The following CCNY variants were observed in gnomAD, a reference collection of about 807,000 sequenced individuals.
CCNY encodes cyclin Y.
CCNY carries 19 observed loss-of-function variants against 42.8 expected under a neutral mutation model. The observed-to-expected ratio is 0.44, with a 90% confidence interval of 0.31 to 0.65. The LOEUF (loss-of-function observed/expected upper bound fraction) is 0.65, where lower values mean the gene tolerates loss of function less well. CCNY is among the 30% of genes least tolerant of loss of function. CCNY has a pLI of 0.07. For synonymous variants in CCNY, 165 were observed against 162.7 expected, an observed-to-expected ratio of 1.01 and a Z score of -0.11; for missense variants, 370 against 437.3, an observed-to-expected ratio of 0.85 and a Z score of 1.37.
At chr10:35,417,300 G>A (rs1838046482) in intron 1 of CCNY, among the ~76,000 whole-genome samples, 1 of 152,216 alleles carries the variant, frequency 6.6e-6, no homozygotes, top group African/African-American at 2.4e-5. Context: ...AAGAGGACAA[G>A]CCGATCCCAT....
intron 7 of CCNY, among the ~76,000 whole-genome samples, chr10:35,548,075 A>G (rs148653290): frequency 2.0e-4 from 30 of 152,256 alleles, no homozygotes; most frequent in Admixed American, 2.0e-3. Context: ...AACCCTGCAC[A>G]GTTGAAAATC....
chr10:35,383,127 C>T (rs955890940), intron 1 of CCNY, among the ~76,000 whole-genome samples: 5 of 152,128 alleles, frequency 3.3e-5, no homozygotes, highest in Admixed American at 2.0e-4. Context: ...TCTACAGCTC[C>T]GATGGGGAGA....
chr10:35,273,722 G>C (rs560066958), intron 3 of CCNY, among the ~76,000 whole-genome samples: 3 of 152,282 alleles, frequency 2.0e-5, no homozygotes, highest in Admixed American at 2.0e-4. Context: ...CGAACCACTT[G>C]TGCGATGGAA....
Position 35,566,081 on chromosome 10 carries a change from A to G in CCNY, c.805A>G (p.Ser269Gly), listed in dbSNP as rs1317939601. 6 of 1,614,214 alleles carry G rather than the reference A, an allele frequency of 3.7e-6. No individual in the cohort carries two copies. In the East Asian group the frequency reaches 6.7e-5, roughly 18 times the overall value. ...LLQFNINVPSSVYAKYYFDLR... is the reference protein window; with the variant it reads ...LLQFNINVPSGVYAKYYFDLR... ...GCAGTTCAACATCAATGTTCCTTCC[A>G]GTGTCTATGCCAAGTATTATTTTGA... Residue 269 changes from serine to glycine, a missense_variant, in exon 9 of 10, where the codon AGT (serine) becomes GGT (glycine). Around this residue, in one of 2 missense-constraint regions of CCNY, gnomAD observed 234 missense variants for 313.1 expected, o/e 0.75. Transcript: ENST00000374704.
At chr10:35,372,312 G>C (rs144136893) in intron 1 of CCNY, among the ~76,000 whole-genome samples, 30 of 152,312 alleles carry the variant, frequency 2.0e-4, no homozygotes, top group African/African-American at 7.2e-4. Context: ...AATTTAATGC[G>C]TTAGCAGTGC....
At chr10:35,401,306 G>A (rs758880755) in intron 1 of CCNY, among the ~76,000 whole-genome samples, 8 of 152,200 alleles carry the variant, frequency 5.3e-5, no homozygotes, top group Non-Finnish European at 1.0e-4. Context: ...CTGCAGGTGT[G>A]CTCTTTTGTG....
At chr10:35,457,523 A>G (rs1038301995) in intron 1 of CCNY, among the ~76,000 whole-genome samples, 2 of 152,158 alleles carry the variant, frequency 1.3e-5, no homozygotes, top group African/African-American at 4.8e-5. Flanking sequence ...ACAGATTTAT[A>G]TGTTTAATCT....
intron 2 of CCNY, among the ~76,000 whole-genome samples, chr10:35,498,700 G>A (rs140759572): frequency 0.011 from 1,695 of 152,270 alleles, 40 homozygotes; most frequent in African/African-American, 0.039. Context: ...GTTTGGGGGC[G>A]CGGAAGACGC....
At chr10:35,354,200 T>G (rs891644833) in intron 1 of CCNY, among the ~76,000 whole-genome samples, 9 of 151,436 alleles carry the variant, frequency 5.9e-5, no homozygotes, top group Non-Finnish European at 1.3e-4. Context: ...TTTTTTTTTT[T>G]TTTGGGATGA....
At chr10:35,453,496 A>C (rs1838963462) in intron 1 of CCNY, among the ~76,000 whole-genome samples, 1 of 152,214 alleles carries the variant, frequency 6.6e-6, no homozygotes, top group Admixed American at 6.5e-5. Context: ...TCATCTCAGC[A>C]AGGTAGAATC....
chr10:35,408,950 GTT>G (rs369265563), intron 1 of CCNY, among the ~76,000 whole-genome samples: 3 of 139,626 alleles, frequency 2.1e-5, no homozygotes, highest in African/African-American at 7.9e-5. Context: ...TCTTGTTTTT[GTT>G]TTTTTTTTTT....
chr10:35,465,949 GTGTGTGTGTGTC>G (rs1357727556), intron 1 of CCNY, among the ~76,000 whole-genome samples: 6 of 151,486 alleles, frequency 4.0e-5, no homozygotes, highest in Non-Finnish European at 7.4e-5. Flanking sequence ...GTGTGTGTGT[GTGTGTGTGTGTC>G]TGTGTGTGTG....
intron 1 of CCNY, among the ~76,000 whole-genome samples, chr10:35,444,228 T>G (rs556462363): frequency 7.2e-5 from 11 of 151,802 alleles, no homozygotes; most frequent in Admixed American, 6.5e-4. Context: ...TGAGGCTGTT[T>G]CACAGTTAAC....
At chr10:35,360,542 A>C (rs1836661717) in intron 1 of CCNY, among the ~76,000 whole-genome samples, 1 of 151,964 alleles carries the variant, frequency 6.6e-6, no homozygotes, top group Admixed American at 6.5e-5. Flanking sequence ...TTGGCCTCCC[A>C]AAGTGCTGGG....
intron 3 of CCNY, among the ~76,000 whole-genome samples, chr10:35,504,419 A>G (rs933600590): frequency 2.6e-5 from 4 of 152,210 alleles, no homozygotes; most frequent in African/African-American, 7.2e-5. Context: ...AACTGGCTCA[A>G]AACAGCCAAG....
chr10:35,539,493 A>G (rs1840952393), intron 7 of CCNY, among the ~76,000 whole-genome samples: 1 of 152,030 alleles, frequency 6.6e-6, no homozygotes, highest in African/African-American at 2.4e-5. Context: ...TCTTTTGTTA[A>G]ATTTATTCCT....
chr10:35,502,409 T>A (rs1218952331), intron 3 of CCNY, among the ~76,000 whole-genome samples: 2 of 152,132 alleles, frequency 1.3e-5, no homozygotes, highest in African/African-American at 4.8e-5. Flanking sequence ...CTTGAAATAG[T>A]CCTAAAGCTG....
chr10:35,385,785 G>T (rs1041852250), intron 1 of CCNY, among the ~76,000 whole-genome samples: 4 of 152,156 alleles, frequency 2.6e-5, no homozygotes, highest in African/African-American at 4.8e-5. Flanking sequence ...TGAGAACTTT[G>T]TGATCTCCTC....
chr10:35,520,075 T>C (rs1377748999), intron 4 of CCNY, among the ~76,000 whole-genome samples: 1 of 152,216 alleles, frequency 6.6e-6, no homozygotes, highest in Admixed American at 6.5e-5. Flanking sequence ...AAAAGTATCC[T>C]CTTTTTAAAA....
Sources: allele counts gnomAD v4.1 joint callset (sites outside exome capture counted in the v4.1 genomes callset), GRCh38; gene constraint gnomAD v4.1.1; regional missense constraint gnomAD v4.1.1; transcripts MANE v1.5; gene names NCBI Gene and HGNC (gene_info 2026-07-23, HGNC 2026-07-21).